Variants in SNRNP48 observed in about 807,000 individuals in gnomAD.
SNRNP48 encodes small nuclear ribonucleoprotein U11/U12 subunit 48, also known as U11/U12 small nuclear ribonucleoprotein 48 kDa protein.
Under a neutral mutation model 47.0 loss-of-function variants are expected in SNRNP48, and 43 were observed. That is an observed-to-expected ratio of 0.92 (90% CI 0.72 to 1.18). The LOEUF is 1.18. Ranked by LOEUF, SNRNP48 falls within the 50% of genes most tolerant of loss-of-function variation. The probability of loss-of-function intolerance (pLI) is 0.00; values close to 1 mark genes in which losing one functional copy is unlikely to be tolerated. For missense variants in SNRNP48, 396 were observed against 422.2 expected, an observed-to-expected ratio of 0.94 and a Z score of 0.54; for synonymous variants, 138 against 144.0, an observed-to-expected ratio of 0.96 and a Z score of 0.30.
intron 1 of SNRNP48, among the ~76,000 whole-genome samples, chr6:7,592,744 G>A (rs1268094806): frequency 6.6e-6 from 1 of 152,180 alleles, no homozygotes; most frequent in Non-Finnish European, 1.5e-5. Context: ...GAGAGAGCAA[G>A]AGTGAGAGAG....
intron 4 of SNRNP48, among the ~76,000 whole-genome samples, chr6:7,598,627 A>G (rs978572435): frequency 1.3e-5 from 2 of 152,170 alleles, no homozygotes; most frequent in Non-Finnish European, 2.9e-5. Flanking sequence ...TTCTTTAAAT[A>G]TCTTATTGAT....
chr6:7,590,434 G>A (rs1439145888), intron 1 of SNRNP48, 21 bp downstream of exon 1: 2 of 1,281,186 alleles, frequency 1.6e-6, no homozygotes, highest in Non-Finnish European at 1.0e-6. Context: ...CGGCCGCGGG[G>A]CCCTTTCGGG....
intron 1 of SNRNP48, 84 bp from the exon 2 acceptor site, chr6:7,593,650 A>T: frequency 2.3e-6 from 2 of 865,262 alleles, no homozygotes; most frequent in South Asian, 4.4e-5. Flanking sequence ...GTACTGGTAC[A>T]TAATTAAATG....
rs1328561507 is a variant in SNRNP48 at position 7,590,358 on chromosome 6, C to T, written c.101C>T (p.Ala34Val). ...TGCCGGACGTTGGAGGAGGTGACCGCGTCCCTGGGCTGGGACCTAGATAGT... is the reference window on the plus strand; with the variant it reads ...TGCCGGACGTTGGAGGAGGTGACCGTGTCCCTGGGCTGGGACCTAGATAGT... ...SGCRTLEEVTASLGWDLDSLD... is the reference protein window; with the variant it reads ...SGCRTLEEVTVSLGWDLDSLD... The change falls in exon 1 of 9, where the codon GCG becomes GTG. Residue 34 changes from alanine (A) to valine (V), a missense_variant. Transcript: ENST00000342415. 18 of 1,382,856 alleles carry T rather than the reference C, an allele frequency of 1.3e-5. No homozygotes were observed. Among genetic ancestry groups the T allele is most frequent in the Non-Finnish European group, 1.7e-5 (18 of 1,055,330 alleles). 85.7% of individuals were successfully genotyped at this position (1,382,856 alleles called of 1,614,324 possible).
At chr6:7,598,366 G>A (rs777873930) in intron 4 of SNRNP48, among the ~76,000 whole-genome samples, 4 of 151,892 alleles carry the variant, frequency 2.6e-5, no homozygotes, top group African/African-American at 9.7e-5. Context: ...GCTATGGTGC[G>A]TGCCTGTAAT....
chr6:7,608,263 A>C (rs1760169200), intron 8 of SNRNP48, among the ~76,000 whole-genome samples: 1 of 152,160 alleles, frequency 6.6e-6, no homozygotes, highest in African/African-American at 2.4e-5. Context: ...GCATTATTAA[A>C]ACTAAGAGAC....
In SNRNP48 at chr6:7,606,114, G is replaced by A. The variant is rs757626298; in HGVS notation, c.890G>A (p.Arg297Lys). Residue 297 changes from arginine (R) to lysine (K), a missense_variant, in exon 8 of 9, where the codon AGG becomes AAG. Arg to Lys is a conservative substitution (Grantham distance 26). Coordinates refer to ENST00000342415, the MANE Select transcript of SNRNP48 (RefSeq NM_152551.4). ...GATGCTGAGTGTTCACGACATAGAAGGGATAGGAGTAGAAGCCCACATAAA... is the reference window on the plus strand; with the variant it reads ...GATGCTGAGTGTTCACGACATAGAAAGGATAGGAGTAGAAGCCCACATAAA... ...YLDAECSRHR[R>K]DRSRSPHKRK... 1 of 1,613,874 alleles carries A rather than the reference G, an allele frequency of 6.2e-7. No individual in the cohort carries two copies. Among genetic ancestry groups the A allele is most frequent in the Admixed American group, 1.7e-5 (1 of 59,958 alleles).
At position 7,595,084 on chromosome 6, in the gene SNRNP48, G is replaced by A; in HGVS notation, c.389G>A (p.Ser130Asn). ...GCTAGAACTGCAGTTGGGAAAGACA[G>A]TGATTGTTATAATCAAAGTAAGTGG... ...KQARTAVGKDSDCYNQRIYSS... is the reference protein window; with the variant it reads ...KQARTAVGKDNDCYNQRIYSS... The change falls in exon 4 of 9, where the codon AGT becomes AAT. Residue 130 changes from serine (S) to asparagine (N), a missense_variant. Physicochemically the swap from Ser to Asn is conservative, Grantham distance 46. Transcript: ENST00000342415. 1 of 1,597,500 alleles carries A rather than the reference G, an allele frequency of 6.3e-7. No individual in the cohort carries two copies. Among genetic ancestry groups the A allele is most frequent in the Non-Finnish European group, 8.5e-7 (1 of 1,174,514 alleles).
chr6:7,596,246 A>G (rs753851178), intron 4 of SNRNP48, among the ~76,000 whole-genome samples: 22 of 151,960 alleles, frequency 1.4e-4, no homozygotes, highest in Non-Finnish European at 2.9e-4. Flanking sequence ...AGCCTGGGCA[A>G]CAGAGCGAGA....
At chr6:7,607,721 G>A (rs567281840) in intron 8 of SNRNP48, among the ~76,000 whole-genome samples, 2 of 152,266 alleles carry the variant, frequency 1.3e-5, no homozygotes, top group East Asian at 3.9e-4. Flanking sequence ...GCTCCATGAA[G>A]GCAAGGTCTG....
chr6:7,590,222 G>C lies in SNRNP48; in HGVS notation c.-36G>C. On this transcript the variant is annotated 5_prime_UTR_variant, in exon 1 of 9. Coordinates refer to ENST00000342415, the MANE Select transcript of SNRNP48 (RefSeq NM_152551.4). ...CAGAGGCCTGCGCGTGCGGTCTGCA[G>C]TTCGGCCGCTTCCTCTTGGCGGGTG... 3.1e-6 allele frequency: 4 copies of C among 1,281,360 alleles called. No individual in the cohort carries two copies. The highest frequency in any genetic ancestry group is 3.0e-6 in the Non-Finnish European group (3 of 1,006,336). 79.4% of individuals were successfully genotyped at this position (1,281,360 alleles called of 1,614,324 possible).
chr6:7,606,129 G>A lies in SNRNP48; in HGVS notation c.905G>A (p.Ser302Asn), dbSNP rs921311658. 1.9e-6 allele frequency: 3 copies of A among 1,613,518 alleles called. No individual in the cohort carries two copies. The highest frequency in any genetic ancestry group is 1.3e-5 in the African/African-American group (1 of 74,822). ...CGACATAGAAGGGATAGGAGTAGAAGCCCACATAAAAGAAAAAGAAACAAA... is the reference window on the plus strand; with the variant it reads ...CGACATAGAAGGGATAGGAGTAGAAACCCACATAAAAGAAAAAGAAACAAA... ...CSRHRRDRSR[S>N]PHKRKRNKDK... is the part of the protein sequence containing the mutation. The change falls in exon 8 of 9, where the codon AGC becomes AAC. Residue 302 changes from serine to asparagine, a missense_variant. By Grantham distance (46) the Ser-to-Asn change is conservative (BLOSUM62 1). Coordinates refer to ENST00000342415, the MANE Select transcript of SNRNP48 (RefSeq NM_152551.4).
In SNRNP48 at chr6:7,608,903, CT is replaced by C. The variant is rs776421206; in HGVS notation, c.*32del. 6 of 1,278,398 alleles carry C rather than the reference CT, an allele frequency of 4.7e-6. No individual in the cohort carries two copies. The allele number at this position is 1,278,398 out of a possible 1,614,324, so 79.2% of individuals were successfully genotyped here. A position where few individuals can be genotyped will look rare whatever the true frequency, so the allele number is the denominator to read the frequency against. ...AGTACTTGTACCTATATTAATTATG[CT>C]TACGCCATGATAACCAATATACAGA... On this transcript the variant is annotated 3_prime_UTR_variant, in exon 9 of 9. Coordinates refer to ENST00000342415, the MANE Select transcript of SNRNP48 (RefSeq NM_152551.4).
chr6:7,597,229 A>G (rs1272641903), intron 4 of SNRNP48, among the ~76,000 whole-genome samples: 1 of 152,204 alleles, frequency 6.6e-6, no homozygotes. Flanking sequence ...CTGAATTTTG[A>G]CACAAACTCT....
At chr6:7,597,834 C>G (rs1329550916) in intron 4 of SNRNP48, among the ~76,000 whole-genome samples, 1 of 148,676 alleles carries the variant, frequency 6.7e-6, no homozygotes, top group Non-Finnish European at 1.5e-5. Context: ...CTTACACTAT[C>G]TTAAATTAAG....
chr6:7,608,412 C>G (rs1351345212), intron 8 of SNRNP48, among the ~76,000 whole-genome samples: 3 of 151,928 alleles, frequency 2.0e-5, no homozygotes, highest in African/African-American at 7.3e-5. Context: ...CAAAAAATAG[C>G]CAGGTGTGGT....
intron 4 of SNRNP48, among the ~76,000 whole-genome samples, chr6:7,598,364 G>A (rs527710989): frequency 6.6e-6 from 1 of 151,976 alleles, no homozygotes; most frequent in East Asian, 2.0e-4. Flanking sequence ...GCGCTATGGT[G>A]CGTGCCTGTA....
At chr6:7,596,879 C>G (rs2113716313) in intron 4 of SNRNP48, among the ~76,000 whole-genome samples, 1 of 152,130 alleles carries the variant, frequency 6.6e-6, no homozygotes, top group South Asian at 2.1e-4. Context: ...ACTTAAAGGA[C>G]TTTATTTGAG....
intron 3 of SNRNP48, among the ~76,000 whole-genome samples, chr6:7,594,655 GAT>G (rs200925090): frequency 6.6e-6 from 1 of 151,764 alleles, no homozygotes; most frequent in African/African-American, 2.4e-5. Context: ...AAGATTAAGT[GAT>G]ATATATATAT....
Sources: allele counts gnomAD v4.1 joint callset (sites outside exome capture counted in the v4.1 genomes callset), GRCh38; gene constraint gnomAD v4.1.1; transcripts MANE v1.5; gene names NCBI Gene and HGNC (gene_info 2026-07-23, HGNC 2026-07-21).